Variants in PDE4D observed in about 807,000 individuals in gnomAD.
PDE4D encodes 3',5'-cyclic-AMP phosphodiesterase 4D.
PDE4D carries 24 observed loss-of-function variants against 87.4 expected under a neutral mutation model. The observed-to-expected ratio is 0.27, with a 90% confidence interval of 0.20 to 0.39. The LOEUF is 0.39. PDE4D is among the 10% of genes least tolerant of loss of function. The probability of loss-of-function intolerance (pLI) is 1.00; values close to 1 mark genes in which losing one functional copy is unlikely to be tolerated. For missense variants in PDE4D, 714 were observed against 1,041.0 expected (o/e 0.69, Z 4.32); for synonymous variants, 384 against 383.2 (o/e 1.00, Z -0.02).
At chr5:59,433,836 T>C (rs1398388845) in intron 1 of PDE4D, among the ~76,000 whole-genome samples, 1 of 152,106 alleles carries the variant, frequency 6.6e-6, no homozygotes, top group African/African-American at 2.4e-5. Context: ...TGCTAGACGT[T>C]GCAACGTTAA....
chr5:59,785,954 A>G (rs1765124132), intron 1 of PDE4D, among the ~76,000 whole-genome samples: 1 of 145,218 alleles, frequency 6.9e-6, no homozygotes, highest in South Asian at 2.2e-4. Flanking sequence ...AAAAATTATG[A>G]GTTTGTTGAG....
chr5:59,690,456 T>C (rs298081), intron 1 of PDE4D, among the ~76,000 whole-genome samples: 149,602 of 152,330 alleles, frequency 0.98, 73,486 homozygotes, highest in East Asian at 1. Flanking sequence ...CTGACAACAA[T>C]AAGAAATGGG....
At chr5:59,632,541 G>A (rs572790481) in intron 1 of PDE4D, among the ~76,000 whole-genome samples, 3 of 152,318 alleles carry the variant, frequency 2.0e-5, no homozygotes, top group East Asian at 3.9e-4. Context: ...GCTTCCAGAG[G>A]AAGGAGCAGG....
chr5:60,365,910 G>T (rs746655083), intron 1 of PDE4D, among the ~76,000 whole-genome samples: 2 of 152,014 alleles, frequency 1.3e-5, no homozygotes, highest in Non-Finnish European at 2.9e-5. Context: ...CGTGCATGAT[G>T]GCACATGCCT....
intron 1 of PDE4D, among the ~76,000 whole-genome samples, chr5:59,669,727 A>G (rs564698618): frequency 1.7e-4 from 26 of 152,262 alleles, no homozygotes; most frequent in African/African-American, 6.3e-4. Context: ...AATATGAACC[A>G]TAAAAACTTT....
chr5:59,489,180 G>A (rs888895730), intron 1 of PDE4D, among the ~76,000 whole-genome samples: 24 of 151,160 alleles, frequency 1.6e-4, no homozygotes, highest in Admixed American at 4.0e-4. Context: ...CAGGAGAATC[G>A]CTTGAACCCT....
At chr5:59,721,149 T>C (rs1390774434) in intron 1 of PDE4D, among the ~76,000 whole-genome samples, 1 of 152,140 alleles carries the variant, frequency 6.6e-6, no homozygotes, top group East Asian at 1.9e-4. Flanking sequence ...TTAGATCGAG[T>C]TTAGCACCTA....
intron 2 of PDE4D, among the ~76,000 whole-genome samples, chr5:60,051,967 T>A (rs761352710): frequency 6.6e-6 from 1 of 152,090 alleles, no homozygotes; most frequent in African/African-American, 2.4e-5. Context: ...CCTGGACACA[T>A]ACACCCTTTC....
chr5:60,286,590 C>G (rs542422987), intron 1 of PDE4D, among the ~76,000 whole-genome samples: 6 of 152,102 alleles, frequency 3.9e-5, no homozygotes, highest in East Asian at 1.9e-4. Context: ...CCCATTACAC[C>G]GACTACCATT....
intron 1 of PDE4D, among the ~76,000 whole-genome samples, chr5:60,262,745 C>G (rs1212244947): frequency 6.6e-6 from 1 of 152,200 alleles, no homozygotes; most frequent in Non-Finnish European, 1.5e-5. Flanking sequence ...TTTTTCAACA[C>G]TACTTTCTAG....
intron 5 of PDE4D, among the ~76,000 whole-genome samples, chr5:59,064,281 A>AT (rs1189455331): frequency 6.6e-6 from 1 of 151,896 alleles, no homozygotes; most frequent in East Asian, 1.9e-4. Context: ...TACACTGGAA[A>AT]TTTTTTTTAT....
At chr5:60,028,902 C>A (rs894391007) in intron 2 of PDE4D, among the ~76,000 whole-genome samples, 4 of 152,154 alleles carry the variant, frequency 2.6e-5, no homozygotes, top group African/African-American at 4.8e-5. Context: ...CTTCCTCAAT[C>A]CCTCCAGTCA....
intron 2 of PDE4D, among the ~76,000 whole-genome samples, chr5:60,033,521 C>CA (rs1767465615): frequency 6.6e-6 from 1 of 151,820 alleles, no homozygotes; most frequent in Admixed American, 6.6e-5. Context: ...AAAACAACAA[C>CA]AAAAAAAGAG....
At chr5:59,061,535 G>A (rs116630747) in intron 5 of PDE4D, among the ~76,000 whole-genome samples, 141 of 152,084 alleles carry the variant, frequency 9.3e-4, no homozygotes, top group African/African-American at 3.1e-3. Context: ...AGTCAGCCTC[G>A]TGGATGACTC....
chr5:59,760,683 T>C (rs1761860205), intron 1 of PDE4D, among the ~76,000 whole-genome samples: 1 of 152,074 alleles, frequency 6.6e-6, no homozygotes. Flanking sequence ...GAGAGATATA[T>C]CATAAATAAC....
At chr5:60,246,569 C>G (rs754191148) in intron 1 of PDE4D, among the ~76,000 whole-genome samples, 6 of 151,704 alleles carry the variant, frequency 4.0e-5, no homozygotes, top group Non-Finnish European at 8.8e-5. Context: ...ATTTGTTTAA[C>G]CTATGATAAA....
chr5:59,456,873 G>C (rs141848569), intron 1 of PDE4D, among the ~76,000 whole-genome samples: 1 of 152,190 alleles, frequency 6.6e-6, no homozygotes, highest in Admixed American at 6.5e-5. Context: ...ATTGGAAGTG[G>C]AGCCTGAAGA....
chr5:59,929,560 C>T (rs1755668683), intron 3 of PDE4D, among the ~76,000 whole-genome samples: 2 of 151,304 alleles, frequency 1.3e-5, no homozygotes, highest in African/African-American at 4.9e-5. Context: ...AAAAGCTAAA[C>T]ATCATGTTCT....
intron 1 of PDE4D, among the ~76,000 whole-genome samples, chr5:59,308,224 A>C (rs1322026135): frequency 9.4e-6 from 1 of 106,038 alleles, no homozygotes; most frequent in South Asian, 3.5e-4. Context: ...GGTGGGGGGA[A>C]GGGGGAGGGA....
Sources: allele counts gnomAD v4.1 joint callset (sites outside exome capture counted in the v4.1 genomes callset), GRCh38; gene constraint gnomAD v4.1.1; transcripts MANE v1.5; gene names NCBI Gene and HGNC (gene_info 2026-07-23, HGNC 2026-07-21).